ZFHX3: variants seen among roughly 807,000 people sequenced by gnomAD.
The protein encoded by ZFHX3 is zinc finger homeobox protein 3.
Under a neutral mutation model 279.1 loss-of-function variants are expected in ZFHX3, and 42 were observed. The observed-to-expected ratio is 0.15, with a 90% CI of 0.12 to 0.19. ZFHX3 has a LOEUF of 0.19. Among genes scored for constraint, ZFHX3 ranks in the 10% least tolerant of loss-of-function variants. The pLI is 1.00. For synonymous variants in ZFHX3, 2,293 were observed against 1,957.8 expected (o/e 1.17, Z -4.52); for missense variants, 4,981 against 4,754.0 (o/e 1.05, Z -1.40).
chr16:73,680,690 C>T (rs2053001023), intron 1 of ZFHX3, among the ~76,000 whole-genome samples: 1 of 152,102 alleles, frequency 6.6e-6, no homozygotes, highest in Non-Finnish European at 1.5e-5. Flanking sequence ...AGACAGAGGT[C>T]CTAAGTTGAG....
At chr16:73,401,558 G>A (rs925787661) in intron 3 of ZFHX3, 8 of 151,974 alleles carry the variant, frequency 5.3e-5, no homozygotes, top group African/African-American at 1.7e-4. Flanking sequence ...GACACGCAGC[G>A]ACAGGGGACG....
In ZFHX3 at chr16:72,786,853, A is replaced by G. The variant is rs549065395; in HGVS notation, c.*311T>C. ...AAATATACAAGGGGTTTAAGCTCCA[A>G]AGACATTAGGGAGGCCCTGCGGACT... On this transcript the variant is annotated 3_prime_UTR_variant, in exon 10 of 10. Coordinates refer to ENST00000268489, the MANE Select transcript of ZFHX3 (RefSeq NM_006885.4). The G allele has an allele frequency of 4.1e-4, 70 of 169,938 alleles. No individual in the cohort carries two copies. Among genetic ancestry groups the G allele is most frequent in the Admixed American group, 8.3e-4 (13 of 15,710 alleles). 10.5% of individuals were successfully genotyped at this position (169,938 alleles called of 1,614,324 possible). A position where few individuals can be genotyped will look rare whatever the true frequency, so the allele number is the denominator to read the frequency against.
intron 3 of ZFHX3, among the ~76,000 whole-genome samples, chr16:73,347,299 T>C (rs2016142137): frequency 6.6e-6 from 1 of 152,224 alleles, no homozygotes; most frequent in Non-Finnish European, 1.5e-5. Context: ...CTACCTTTTC[T>C]TAGCTCCATT....
At chr16:73,315,850 A>G (rs2015434031) in intron 4 of ZFHX3, among the ~76,000 whole-genome samples, 1 of 152,222 alleles carries the variant, frequency 6.6e-6, no homozygotes, top group African/African-American at 2.4e-5. Flanking sequence ...GTGTAAGAGA[A>G]GCTTTTAACT....
chr16:73,422,037 T>C (rs1037927921), intron 3 of ZFHX3, among the ~76,000 whole-genome samples: 3 of 152,202 alleles, frequency 2.0e-5, no homozygotes, highest in Non-Finnish European at 4.4e-5. Flanking sequence ...ACATTTCCTC[T>C]ACCACGCTTC....
chr16:73,591,996 C>A (rs1343807176), intron 2 of ZFHX3, among the ~76,000 whole-genome samples: 1 of 151,896 alleles, frequency 6.6e-6, no homozygotes, highest in African/African-American at 2.4e-5. Context: ...CTTTAGGAGG[C>A]TGAGGTGGGG....
chr16:73,602,642 T>C (rs556501021), intron 2 of ZFHX3, among the ~76,000 whole-genome samples: 1 of 152,168 alleles, frequency 6.6e-6, no homozygotes, highest in African/African-American at 2.4e-5. Context: ...TATGGAAAAA[T>C]AACTTCAAAA....
chr16:73,570,255 A>G (rs943026604), intron 2 of ZFHX3, among the ~76,000 whole-genome samples: 6 of 152,160 alleles, frequency 3.9e-5, no homozygotes, highest in Non-Finnish European at 7.4e-5. Flanking sequence ...CACAAATGCA[A>G]CCCCATATAA....
intron 3 of ZFHX3, among the ~76,000 whole-genome samples, chr16:72,933,897 C>A (rs1034983040): frequency 2.7e-5 from 4 of 148,386 alleles, no homozygotes; most frequent in African/African-American, 4.9e-5. Context: ...CGGCTCACTG[C>A]AAGCTCTGCC....
intron 1 of ZFHX3, among the ~76,000 whole-genome samples, chr16:73,006,931 G>A (rs563765226): frequency 2.0e-5 from 3 of 152,260 alleles, no homozygotes; most frequent in South Asian, 2.1e-4. Context: ...AAGGAATAAT[G>A]ACAAGCAAAA....
At chr16:73,417,396 C>CTTT (rs57283343) in intron 3 of ZFHX3, among the ~76,000 whole-genome samples, 5,573 of 118,672 alleles carry the variant, frequency 0.047, 455 homozygotes, top group African/African-American at 0.13. Flanking sequence ...TTTTTCTTTT[C>CTTT]TTTTTTTTTT....
At chr16:73,284,225 G>A (rs1171171744) in intron 4 of ZFHX3, among the ~76,000 whole-genome samples, 1 of 149,852 alleles carries the variant, frequency 6.7e-6, no homozygotes, top group Non-Finnish European at 1.5e-5. Flanking sequence ...GCTAAGGCGG[G>A]AGAACTGCTT....
intron 4 of ZFHX3, among the ~76,000 whole-genome samples, chr16:73,272,936 G>A (rs2014189368): frequency 6.6e-6 from 1 of 151,986 alleles, no homozygotes; most frequent in African/African-American, 2.4e-5. Context: ...TTGTAGAGAT[G>A]GGATCTCCCT....
rs73597015 is a variant in ZFHX3, at chr16:73,429,002, G to A, written c.-1291+27001C>T. On this transcript the variant is annotated intron_variant, in intron 3 of 17. Coordinates refer to the ZFHX3 transcript ENST00000641206. ...AAGTCATATTCTAAAGGACATCCAGGTATGCCACTGGCCTGGTTTACACAA... is the reference window on the plus strand; with the variant it reads ...AAGTCATATTCTAAAGGACATCCAGATATGCCACTGGCCTGGTTTACACAA... Among the ~76,000 whole-genome samples the A allele has an allele frequency of 1.5e-3, 226 of 152,246 alleles. 1 individual carries two copies. The highest frequency in any genetic ancestry group is 5.1e-3 in the African/African-American group (211 of 41,530).
chr16:73,334,365 G>A (rs1453421616), intron 3 of ZFHX3, among the ~76,000 whole-genome samples: 1 of 152,184 alleles, frequency 6.6e-6, no homozygotes, highest in African/African-American at 2.4e-5. Context: ...GATGTCAAGG[G>A]CATGAAGGCA....
intron 1 of ZFHX3, among the ~76,000 whole-genome samples, chr16:73,860,828 G>A (rs1961862558): frequency 6.6e-6 from 1 of 152,058 alleles, no homozygotes; most frequent in South Asian, 2.1e-4. Flanking sequence ...TCAACAACAA[G>A]TGTCAGGGGC....
chr16:73,027,257 G>C (rs1308576861), intron 1 of ZFHX3, among the ~76,000 whole-genome samples: 1 of 152,154 alleles, frequency 6.6e-6, no homozygotes, highest in African/African-American at 2.4e-5. Context: ...CAGATTGCTG[G>C]GAGACTTCTC....
At chr16:73,614,663 G>T (rs2052280841) in intron 2 of ZFHX3, among the ~76,000 whole-genome samples, 1 of 152,116 alleles carries the variant, frequency 6.6e-6, no homozygotes, top group African/African-American at 2.4e-5. Flanking sequence ...CGCTCTACAG[G>T]AGAAAAGACT....
intron 2 of ZFHX3, among the ~76,000 whole-genome samples, chr16:73,523,163 A>G (rs825857): frequency 2.0e-5 from 3 of 151,976 alleles, no homozygotes; most frequent in Admixed American, 2.0e-4. Flanking sequence ...ACATAACACA[A>G]GACTTCTTCT....
Sources: gnomAD v4.1 joint callset for allele counts (sites outside exome capture counted in the v4.1 genomes callset) on GRCh38, gnomAD v4.1.1 for gene constraint, MANE v1.5 for transcripts, NCBI Gene and HGNC (gene_info 2026-07-23, HGNC 2026-07-21) for gene names.